The following ZFHX3 variants were observed in gnomAD, a reference collection of about 807,000 sequenced individuals.
ZFHX3 encodes the protein zinc finger homeobox protein 3.
In ZFHX3, 42 loss-of-function variants were observed where a neutral mutation model predicts 279.1. That is an observed-to-expected ratio of 0.15 (90% CI 0.12 to 0.19). ZFHX3 has a LOEUF of 0.19. Ranked by LOEUF, ZFHX3 falls within the 10% of genes least tolerant of loss-of-function variation. The pLI is 1.00. For missense variants in ZFHX3, 4,981 were observed against 4,754.0 expected, an observed-to-expected ratio of 1.05 and a Z score of -1.40; for synonymous variants, 2,293 against 1,957.8, an observed-to-expected ratio of 1.17 and a Z score of -4.52.
intron 1 of ZFHX3, among the ~76,000 whole-genome samples, chr16:73,754,573 T>C (rs897398008): frequency 6.6e-6 from 1 of 152,110 alleles, no homozygotes; most frequent in African/African-American, 2.4e-5. Context: ...TTGTTTGTAG[T>C]AAGACAGAGG....
chr16:73,294,811 CAAA>C (rs113664978), intron 4 of ZFHX3, among the ~76,000 whole-genome samples: 2 of 132,914 alleles, frequency 1.5e-5, no homozygotes, highest in Admixed American at 7.7e-5. Context: ...GACTCCATCT[CAAA>C]AAAAAAAAAA....
intron 3 of ZFHX3, among the ~76,000 whole-genome samples, chr16:73,404,951 T>C (rs538889040): frequency 2.0e-5 from 3 of 152,350 alleles, no homozygotes; most frequent in African/African-American, 7.2e-5. Context: ...ATGAGCTTGT[T>C]GTTCCCACGG....
chr16:73,871,190 A>G (rs1198544826), intron 1 of ZFHX3, among the ~76,000 whole-genome samples: 2 of 152,212 alleles, frequency 1.3e-5, no homozygotes, highest in East Asian at 3.9e-4. Flanking sequence ...ATTACACTGG[A>G]TTTTAGCCCT....
chr16:73,692,342 G>C (rs2053157255), intron 1 of ZFHX3, among the ~76,000 whole-genome samples: 1 of 152,130 alleles, frequency 6.6e-6, no homozygotes, highest in Admixed American at 6.6e-5. Context: ...AGCTACAGAA[G>C]AGAACCCAAG....
chr16:73,038,959 G>A (rs991106050), intron 1 of ZFHX3, among the ~76,000 whole-genome samples: 11 of 151,176 alleles, frequency 7.3e-5, no homozygotes, highest in Admixed American at 3.9e-4. Context: ...CACCACGCCC[G>A]GCTAATTTTT....
intron 1 of ZFHX3, among the ~76,000 whole-genome samples, chr16:73,754,794 T>A (rs913531625): frequency 6.6e-6 from 1 of 152,168 alleles, no homozygotes. Flanking sequence ...GAGGGTTTTT[T>A]AAAATGACAC....
In ZFHX3 at chr16:73,067,723, C is replaced by T. The variant is rs1042121346; in HGVS notation, c.-532-8711G>A. 5.3e-4 allele frequency among the ~76,000 whole-genome samples: 81 copies of T among 152,170 alleles called. 1 individual carries two copies. Among genetic ancestry groups the T allele is most frequent in the African/African-American group, 1.9e-3 (79 of 41,442 alleles). ...GCACTCAGTGGCCCCTGCAGCTTGG[C>T]ACAGATAAAACCAAGGCTAATACAC... On this transcript the variant is annotated intron_variant, in intron 8 of 17. Transcript: ENST00000641206.
At chr16:73,766,731 G>A (rs888317301) in intron 1 of ZFHX3, among the ~76,000 whole-genome samples, 1 of 152,134 alleles carries the variant, frequency 6.6e-6, no homozygotes, top group South Asian at 2.1e-4. Context: ...GGACAGGACC[G>A]CAGACCAGAA....
At chr16:73,419,603 C>A (rs2017674797) in intron 3 of ZFHX3, among the ~76,000 whole-genome samples, 1 of 152,110 alleles carries the variant, frequency 6.6e-6, no homozygotes, top group Non-Finnish European at 1.5e-5. Flanking sequence ...CTAGCATTTA[C>A]TATATGCCAT....
chr16:73,003,573 GC>G (rs1963582924), intron 1 of ZFHX3, among the ~76,000 whole-genome samples: 1 of 148,254 alleles, frequency 6.7e-6, no homozygotes, highest in Non-Finnish European at 1.5e-5. Flanking sequence ...GGGAGTGATG[GC>G]GGGCGCCTGT....
chr16:73,483,456 G>C (rs2018909889), intron 2 of ZFHX3: 1 of 449,480 alleles, frequency 2.2e-6, no homozygotes, highest in Non-Finnish European at 4.5e-6. Context: ...TAAAAGCATG[G>C]GGGCTGTGCT....
chr16:73,064,743 C>A (rs1820497952), intron 8 of ZFHX3, among the ~76,000 whole-genome samples: 1 of 152,164 alleles, frequency 6.6e-6, no homozygotes, highest in African/African-American at 2.4e-5. Flanking sequence ...AAATGCAGGG[C>A]AATTAGTCAG....
intron 1 of ZFHX3, among the ~76,000 whole-genome samples, chr16:73,816,366 T>C (rs1192039247): frequency 6.6e-6 from 1 of 152,140 alleles, no homozygotes; most frequent in East Asian, 1.9e-4. Flanking sequence ...TGAGTATGAC[T>C]TGTATCTAAG....
chr16:72,953,438 G>A (rs1961093791), intron 2 of ZFHX3, among the ~76,000 whole-genome samples: 1 of 152,150 alleles, frequency 6.6e-6, no homozygotes, highest in Non-Finnish European at 1.5e-5. Flanking sequence ...TGTTTCTGAT[G>A]CCAACCACCT....
At chr16:73,254,050 T>C (rs755240873) in intron 5 of ZFHX3, among the ~76,000 whole-genome samples, 36 of 152,256 alleles carry the variant, frequency 2.4e-4, no homozygotes, top group Non-Finnish European at 4.0e-4. Flanking sequence ...CCAGCATTCA[T>C]TCCAGGCCAC....
intron 2 of ZFHX3, among the ~76,000 whole-genome samples, chr16:73,494,014 A>G (rs2019095799): frequency 6.6e-6 from 1 of 151,378 alleles, no homozygotes; most frequent in African/African-American, 2.4e-5. Flanking sequence ...CTCCTTGAAG[A>G]CTCCATACTG....
intron 4 of ZFHX3, among the ~76,000 whole-genome samples, chr16:73,301,553 T>G (rs912154628): frequency 1.3e-5 from 2 of 152,272 alleles, no homozygotes; most frequent in Non-Finnish European, 1.5e-5. Context: ...CCAAATGTCC[T>G]CTGGACAGGG....
intron 5 of ZFHX3, among the ~76,000 whole-genome samples, chr16:73,246,656 G>A (rs1360064520): frequency 6.6e-6 from 1 of 152,162 alleles, no homozygotes; most frequent in East Asian, 1.9e-4. Flanking sequence ...ATAACACAAT[G>A]TCCTTCTAAA....
intron 3 of ZFHX3, among the ~76,000 whole-genome samples, chr16:73,398,176 G>C (rs2017169621): frequency 6.6e-6 from 1 of 152,178 alleles, no homozygotes; most frequent in South Asian, 2.1e-4. Flanking sequence ...CTAAGCTTGA[G>C]ATGCCTGTTA....
Sources: gnomAD v4.1 joint callset for allele counts (sites outside exome capture counted in the v4.1 genomes callset) on GRCh38, gnomAD v4.1.1 for gene constraint, MANE v1.5 for transcripts, NCBI Gene and HGNC (gene_info 2026-07-23, HGNC 2026-07-21) for gene names.